HAVCR1: variants seen among roughly 807,000 people sequenced by gnomAD.
HAVCR1 encodes the protein T cell immunoglobin domain and mucin domain protein 1.
Under a neutral mutation model 32.0 loss-of-function variants are expected in HAVCR1, and 34 were observed. The ratio of observed to expected loss-of-function variants is 1.06; its 90% CI spans 0.81 to 1.42. The LOEUF (loss-of-function observed/expected upper bound fraction) is 1.42. Among genes scored for constraint, HAVCR1 ranks in the 40% most tolerant of loss-of-function variants. The probability of loss-of-function intolerance (pLI) is 0.00; values close to 1 mark genes in which losing one functional copy is unlikely to be tolerated. For synonymous variants in HAVCR1, 178 were observed against 170.3 expected (o/e 1.05, Z -0.35); for missense variants, 420 against 442.3 (o/e 0.95, Z 0.45).
At chr5:157,054,504 A>T (rs1755995941) in intron 3 of HAVCR1, among the ~76,000 whole-genome samples, 1 of 152,200 alleles carries the variant, frequency 6.6e-6, no homozygotes, top group Non-Finnish European at 1.5e-5. Flanking sequence ...CTCTGTCTCA[A>T]AAAAAGTAAA....
intron 5 of HAVCR1, among the ~76,000 whole-genome samples, chr5:157,047,668 C>T (rs539819917): frequency 6.6e-6 from 1 of 152,270 alleles, no homozygotes; most frequent in South Asian, 2.1e-4. Flanking sequence ...TTCCCATATA[C>T]CTCATCCTGT....
intron 5 of HAVCR1, among the ~76,000 whole-genome samples, chr5:157,046,404 T>C (rs1755399015): frequency 6.6e-6 from 1 of 152,094 alleles, no homozygotes; most frequent in South Asian, 2.1e-4. Context: ...GCATCAACTT[T>C]CTCCATCACA....
At chr5:157,061,621 C>T (rs1166810228), upstream of HAVCR1, among the ~76,000 whole-genome samples, 3 of 151,716 alleles carry the variant, frequency 2.0e-5, no homozygotes, top group South Asian at 2.1e-4. Context: ...GCAAGAGAAT[C>T]GCCTGAACCC....
chr5:157,039,796 T>A (rs1344307001), intron 6 of HAVCR1, among the ~76,000 whole-genome samples: 1 of 152,160 alleles, frequency 6.6e-6, no homozygotes, highest in Non-Finnish European at 1.5e-5. Context: ...TTAGTTCAAT[T>A]TTTTCCTTAA....
At chr5:157,040,906 T>G (rs77713546) in intron 6 of HAVCR1, among the ~76,000 whole-genome samples, 3,160 of 151,852 alleles carry the variant, frequency 0.021, 94 homozygotes, top group African/African-American at 0.072. Context: ...GTCTCAAAAA[T>G]AAATAAATAA....
intron 5 of HAVCR1, among the ~76,000 whole-genome samples, chr5:157,046,491 G>A (rs1163898687): frequency 1.3e-5 from 2 of 152,226 alleles, no homozygotes; most frequent in Non-Finnish European, 2.9e-5. Context: ...AGAATAGTAA[G>A]GATTGTTTGG....
At chr5:157,054,308 TGGC>T (rs1187504288) in intron 3 of HAVCR1, among the ~76,000 whole-genome samples, 2 of 151,562 alleles carry the variant, frequency 1.3e-5, no homozygotes, top group African/African-American at 4.9e-5. Flanking sequence ...AAGACCAGCC[TGGC>T]CAACATGGTG....
the HAVCR1 span, among the ~76,000 whole-genome samples, chr5:157,065,972 C>T: frequency 6.7e-6 from 1 of 148,756 alleles, no homozygotes; most frequent in Admixed American, 6.8e-5. Flanking sequence ...AGGAGAATGG[C>T]GTGAACCTGG....
the HAVCR1 span, among the ~76,000 whole-genome samples, chr5:157,065,875 T>C: frequency 6.8e-6 from 1 of 147,310 alleles, no homozygotes; most frequent in African/African-American, 2.5e-5. Context: ...ATTAATTAAT[T>C]TTAAAAAAAT....
chr5:157,064,993 G>A, the HAVCR1 span, among the ~76,000 whole-genome samples: 2 of 152,210 alleles, frequency 1.3e-5, no homozygotes, highest in Non-Finnish European at 2.9e-5. Flanking sequence ...GAGTTCAGGA[G>A]GGAGGTCTGA....
chr5:157,057,750 C>T, intron 2 of HAVCR1, 148 bp downstream of exon 2: 1 of 648,292 alleles, frequency 1.5e-6, no homozygotes. Flanking sequence ...TGGTCCTGCT[C>T]ACTAGTTAAC....
intron 5 of HAVCR1, among the ~76,000 whole-genome samples, chr5:157,047,272 C>A (rs1755459867): frequency 6.6e-6 from 1 of 152,108 alleles, no homozygotes; most frequent in Admixed American, 6.5e-5. Context: ...CCCAAAAGGC[C>A]TGGGTGCGGT....
intron 3 of HAVCR1, among the ~76,000 whole-genome samples, chr5:157,053,337 T>C (rs1432333841): frequency 7.3e-6 from 1 of 137,272 alleles, no homozygotes; most frequent in Non-Finnish European, 1.5e-5. Flanking sequence ...GAGTAGAGAC[T>C]GGGCCACTGC....
intron 3 of HAVCR1, among the ~76,000 whole-genome samples, chr5:157,054,962 A>G (rs1345580453): frequency 1.3e-5 from 2 of 152,204 alleles, no homozygotes; most frequent in Admixed American, 1.3e-4. Flanking sequence ...ACAATTTCCC[A>G]TAGATATCAA....
intron 7 of HAVCR1, among the ~76,000 whole-genome samples, chr5:157,033,613 A>T (rs909250865): frequency 6.6e-6 from 1 of 151,954 alleles, no homozygotes; most frequent in Non-Finnish European, 1.5e-5. Flanking sequence ...ACTGATGCAC[A>T]TCACAGGAAG....
chr5:157,054,985 CT>C (rs1486444065), intron 3 of HAVCR1, among the ~76,000 whole-genome samples: 1 of 152,306 alleles, frequency 6.6e-6, no homozygotes, highest in East Asian at 1.9e-4. Context: ...AACAATTGTA[CT>C]GCTGTAGGAG....
Position 157,052,597 on chromosome 5 carries a change from G to A in HAVCR1, c.437C>T (p.Thr146Met), listed in dbSNP as rs775298819. The A allele has an allele frequency of 1.9e-5, 30 of 1,612,056 alleles. No individual in the cohort carries two copies. Among genetic ancestry groups the A allele is most frequent in the East Asian group, 1.3e-4 (6 of 44,846 alleles). ...CGTTGTCGTTGGAACAGTGGTGCTC[G>A]TTCGAACAGTCGTGACGGTTGGAAC... ...TTVPTVTTVR[T>M]STTVPTTTTV... The change falls in exon 4 of 9, where the codon ACG (threonine) becomes ATG (methionine). Residue 146 changes from threonine to methionine, a missense_variant. By Grantham distance (81) the Thr-to-Met change is moderately conservative (BLOSUM62 -1). Transcript: ENST00000523175.
chr5:157,049,061 G>A lies in HAVCR1; in HGVS notation c.758C>T (p.Ser253Leu). 6.2e-7 allele frequency: 1 copy of A among 1,605,168 alleles called. No individual in the cohort carries two copies. The highest frequency in any genetic ancestry group is 8.5e-7 in the Non-Finnish European group (1 of 1,171,822). The change falls in exon 5 of 9, where the codon TCA (serine) becomes TTA (leucine). Residue 253 changes from serine to leucine, a missense_variant. Ser to Leu is a moderately radical substitution (Grantham distance 145). Transcript: ENST00000523175. ...ACCTGTTGTGTAAGAGTACAATGGT[G>A]AGCTGGTGGGTTCTCTCCTTATTGC... is the stretch of plus-strand genomic sequence containing the variant. ...QGAIRREPTSSPLYSYTTDGN... is the reference protein window; with the variant it reads ...QGAIRREPTSLPLYSYTTDGN...
chr5:157,036,800 G>T (rs903108800), intron 7 of HAVCR1, among the ~76,000 whole-genome samples: 7 of 149,240 alleles, frequency 4.7e-5, no homozygotes, highest in Non-Finnish European at 1.5e-5. Flanking sequence ...GCCTCCCAAA[G>T]TGCTGGGATT....
Sources: allele counts gnomAD v4.1 joint callset (sites outside exome capture counted in the v4.1 genomes callset), GRCh38; gene constraint gnomAD v4.1.1; transcripts MANE v1.5; gene names NCBI Gene and HGNC (gene_info 2026-07-23, HGNC 2026-07-21).